The following CDH13 variants were observed in gnomAD, a reference collection of about 807,000 sequenced individuals.
The protein encoded by CDH13 is cadherin-13.
A neutral mutation model predicts 63.8 loss-of-function variants in CDH13; 24 were observed. The observed-to-expected ratio is 0.38, with a 90% CI of 0.27 to 0.53. CDH13 has a LOEUF of 0.53. Ranked by LOEUF, CDH13 falls within the 20% of genes least tolerant of loss-of-function variation. The pLI, the probability that CDH13 is intolerant of heterozygous loss-of-function variation, is 0.85. For synonymous variants in CDH13, 503 were observed against 355.3 expected (o/e 1.42, Z -4.67); for missense variants, 1,049 against 903.1 (o/e 1.16, Z -2.07).
intron 1 of CDH13, among the ~76,000 whole-genome samples, chr16:82,668,254 C>G (rs529882155): frequency 6.6e-6 from 1 of 152,230 alleles, no homozygotes; most frequent in African/African-American, 2.4e-5. Flanking sequence ...GCCCTGATCA[C>G]AAGGTGAGCA....
intron 2 of CDH13, among the ~76,000 whole-genome samples, chr16:82,902,587 C>T (rs894717490): frequency 1.3e-5 from 2 of 151,804 alleles, no homozygotes; most frequent in Non-Finnish European, 2.9e-5. Flanking sequence ...TCTTAACCTC[C>T]CCCACCCCTC....
chr16:83,266,576 A>G (rs1907648279), intron 5 of CDH13, among the ~76,000 whole-genome samples: 1 of 152,186 alleles, frequency 6.6e-6, no homozygotes, highest in African/African-American at 2.4e-5. Context: ...TTCTGCTGGC[A>G]TCATCTCCCC....
chr16:83,040,762 A>G (rs776380650), intron 3 of CDH13, among the ~76,000 whole-genome samples: 2 of 152,230 alleles, frequency 1.3e-5, no homozygotes, highest in Non-Finnish European at 2.9e-5. Flanking sequence ...AATCAATATT[A>G]GCCATCACAG....
chr16:82,646,051 C>T, intron 1 of CDH13, among the ~76,000 whole-genome samples: 1 of 152,222 alleles, frequency 6.6e-6, no homozygotes, highest in East Asian at 1.9e-4. Context: ...CTGGGATCTT[C>T]AAGAGCAAAC....
At chr16:83,367,117 C>G (rs1171129406) in intron 6 of CDH13, among the ~76,000 whole-genome samples, 1 of 152,160 alleles carries the variant, frequency 6.6e-6, no homozygotes, top group Non-Finnish European at 1.5e-5. Context: ...CATTAACGAT[C>G]ATTTCTCATT....
intron 2 of CDH13, among the ~76,000 whole-genome samples, chr16:83,014,838 ATTTGTATATATATATT>A (rs1226837843): frequency 2.1e-5 from 1 of 48,022 alleles, no homozygotes; most frequent in African/African-American, 6.5e-5. Context: ...TTGTATATAT[ATTTGTATATATATATT>A]TGTATATATA....
intron 6 of CDH13, among the ~76,000 whole-genome samples, chr16:83,442,822 T>C (rs946582773): frequency 6.6e-6 from 1 of 152,264 alleles, no homozygotes; most frequent in African/African-American, 2.4e-5. Flanking sequence ...GTGCACTTGG[T>C]AATTTCATTC....
At chr16:83,618,735 C>A (rs1909526849) in intron 8 of CDH13, among the ~76,000 whole-genome samples, 1 of 135,376 alleles carries the variant, frequency 7.4e-6, no homozygotes. Context: ...CCCTATCGGT[C>A]AAGTAAAAAG....
In CDH13 at chr16:83,156,022, A is replaced by T. The variant is rs75909624; in HGVS notation, c.483+30521A>T. ...GCAGCCAAGGTTGAGACTGGGGGCT[A>T]CAGCTGTGTAGAAGAGCATCTGGTG... On this transcript the variant is annotated intron_variant, in intron 4 of 13. Transcript: ENST00000567109. Among the ~76,000 whole-genome samples the T allele has an allele frequency of 4.2e-3, 640 of 152,314 alleles. 9 individuals carry two copies. Among genetic ancestry groups the T allele is most frequent in the Non-Finnish European group, 3.6e-3 (243 of 68,034 alleles).
chr16:82,837,682 C>T lies in CDH13; in HGVS notation c.46-20680C>T, dbSNP rs146032524. Among the ~76,000 whole-genome samples the T allele has an allele frequency of 3.2e-3, 485 of 152,282 alleles. 1 individual carries two copies. The highest frequency in any genetic ancestry group is 0.011 in the African/African-American group (464 of 41,552). On this transcript the variant is annotated intron_variant, in intron 1 of 13. Coordinates refer to ENST00000567109, the MANE Select transcript of CDH13 (RefSeq NM_001257.5). The stretch of plus-strand genomic sequence containing the variant: ...GACACCGTGTGTGAAATGGTTTCTA[C>T]GAGGGAAGCTCACTGGAGGCTCAGT...
At chr16:83,449,805 G>T (rs374212375) in intron 6 of CDH13, among the ~76,000 whole-genome samples, 2 of 152,168 alleles carry the variant, frequency 1.3e-5, no homozygotes, top group Non-Finnish European at 2.9e-5. Flanking sequence ...ACGCTGGGAC[G>T]TACTCTGCTG....
chr16:83,026,308 A>T (rs8057717), intron 2 of CDH13, among the ~76,000 whole-genome samples: 1 of 152,100 alleles, frequency 6.6e-6, no homozygotes, highest in South Asian at 2.1e-4. Context: ...TAGAGGCAGA[A>T]TGAACAGATC....
intron 2 of CDH13, among the ~76,000 whole-genome samples, chr16:82,911,664 C>T (rs1207099311): frequency 1.3e-5 from 2 of 152,162 alleles, no homozygotes; most frequent in African/African-American, 4.8e-5. Flanking sequence ...CTCACTCAGA[C>T]ACCTTGATGC....
intron 7 of CDH13, among the ~76,000 whole-genome samples, chr16:83,553,328 C>A (rs933192759): frequency 2.6e-5 from 4 of 152,114 alleles, no homozygotes; most frequent in Non-Finnish European, 5.9e-5. Flanking sequence ...TCATTGTAGG[C>A]AACACAGGAA....
At chr16:82,972,455 G>A (rs17744784) in intron 2 of CDH13, among the ~76,000 whole-genome samples, 17,965 of 152,178 alleles carry the variant, frequency 0.12, 1,296 homozygotes, top group East Asian at 0.17. Flanking sequence ...TTCTTTAGCC[G>A]AAAAACATAC....
chr16:83,774,891 T>G (rs188224246), intron 11 of CDH13, among the ~76,000 whole-genome samples: 1 of 152,266 alleles, frequency 6.6e-6, no homozygotes, highest in African/African-American at 2.4e-5. Context: ...TGAATGTACT[T>G]AACACCACTG....
intron 1 of CDH13, among the ~76,000 whole-genome samples, chr16:82,671,849 T>C (rs563268001): frequency 9.3e-4 from 142 of 152,328 alleles, no homozygotes; most frequent in African/African-American, 3.2e-3. Flanking sequence ...GGGGCAGATA[T>C]GTCCAAGAAT....
intron 2 of CDH13, among the ~76,000 whole-genome samples, chr16:82,887,470 C>T (rs2040930766): frequency 6.6e-6 from 1 of 152,090 alleles, no homozygotes; most frequent in African/African-American, 2.4e-5. Flanking sequence ...ACCCCAGAGT[C>T]CTGGAGAGAA....
intron 5 of CDH13, among the ~76,000 whole-genome samples, chr16:83,290,305 C>T (rs1249749792): frequency 6.6e-6 from 1 of 152,154 alleles, no homozygotes; most frequent in Non-Finnish European, 1.5e-5. Flanking sequence ...TGCTGTATCC[C>T]CACCCACATC....
Sources: allele counts gnomAD v4.1 joint callset (sites outside exome capture counted in the v4.1 genomes callset), GRCh38; gene constraint gnomAD v4.1.1; transcripts MANE v1.5; gene names NCBI Gene and HGNC (gene_info 2026-07-23, HGNC 2026-07-21).